AGBL3: variants seen among roughly 807,000 people sequenced by gnomAD.
The protein encoded by AGBL3 is cytosolic carboxypeptidase 3.
A neutral mutation model predicts 94.5 loss-of-function variants in AGBL3; 68 were observed. The observed-to-expected ratio is 0.72, with a 90% CI of 0.59 to 0.88. AGBL3 has a LOEUF of 0.88. Among genes scored for constraint, AGBL3 ranks in the 40% least tolerant of loss-of-function variants. AGBL3 has a pLI of 0.00. For synonymous variants in AGBL3, 354 were observed against 370.7 expected (o/e 0.95, Z 0.52); for missense variants, 934 against 1,103.8 (o/e 0.85, Z 2.18).
chr7:135,134,404 C>CT (rs60347819), intron 16 of AGBL3, among the ~76,000 whole-genome samples: 26,931 of 152,004 alleles, frequency 0.18, 2,357 homozygotes, highest in East Asian at 0.19. Flanking sequence ...ACTTCCCTCT[C>CT]TTAGACTCAC....
intron 3 of AGBL3, among the ~76,000 whole-genome samples, chr7:134,990,659 CTG>C (rs1237128062): frequency 1.3e-5 from 2 of 152,158 alleles, no homozygotes; most frequent in African/African-American, 2.4e-5. Context: ...GTATGAGAAA[CTG>C]TATCTGTTTT....
At chr7:135,080,945 C>CAT (rs1234467923) in intron 14 of AGBL3, among the ~76,000 whole-genome samples, 3 of 150,800 alleles carry the variant, frequency 2.0e-5, no homozygotes, top group African/African-American at 7.3e-5. Flanking sequence ...CCTAATTACA[C>CAT]ACACACACAC....
chr7:135,113,662 T>C (rs184943030), intron 15 of AGBL3, among the ~76,000 whole-genome samples: 2 of 152,364 alleles, frequency 1.3e-5, no homozygotes, highest in East Asian at 3.8e-4. Context: ...AGACTCTAAA[T>C]TGTGATAAAA....
intron 4 of AGBL3, among the ~76,000 whole-genome samples, chr7:135,013,789 C>T (rs1355658773): frequency 3.3e-5 from 5 of 152,204 alleles, no homozygotes; most frequent in African/African-American, 7.2e-5. Context: ...TACCATCCCT[C>T]GAATCCACTC....
At chr7:135,078,831 C>A (rs903125211) in intron 13 of AGBL3, among the ~76,000 whole-genome samples, 2 of 152,106 alleles carry the variant, frequency 1.3e-5, no homozygotes, top group Non-Finnish European at 2.9e-5. Flanking sequence ...TCCTCTTTCA[C>A]AAAAAGAGTG....
intron 4 of AGBL3, chr7:135,012,540 A>G (rs1294533501): frequency 1.3e-5 from 2 of 152,172 alleles, no homozygotes; most frequent in African/African-American, 4.8e-5. Context: ...TGAAATGTGG[A>G]TAGAAGTATG....
At chr7:135,007,989 A>T (rs1326068351) in intron 4 of AGBL3, among the ~76,000 whole-genome samples, 1 of 152,086 alleles carries the variant, frequency 6.6e-6, no homozygotes, top group African/African-American at 2.4e-5. Context: ...AAAGAAAATA[A>T]AGATCTAGAT....
Position 135,050,488 on chromosome 7 carries a change from CT to C in AGBL3, c.1841+4578del, listed in dbSNP as rs747649070. Among the ~76,000 whole-genome samples, 248 of 152,034 alleles carry C rather than the reference CT, an allele frequency of 1.6e-3. 3 individuals are homozygous for C. The highest frequency in any genetic ancestry group is 2.5e-3 in the Non-Finnish European group (167 of 67,846). ...TATTGAAATGAGGTATTGAAGTCTC[CT>C]GCTATTATTGTATTGCCGTTTCTCT... On this transcript the variant is annotated intron_variant, in intron 11 of 16. Transcript: ENST00000436302.
chr7:135,080,870 A>G (rs1439737521), intron 14 of AGBL3, among the ~76,000 whole-genome samples: 4 of 147,890 alleles, frequency 2.7e-5, no homozygotes, highest in Non-Finnish European at 4.5e-5. Context: ...GTGTGTGTGT[A>G]TATATATATA....
intron 12 of AGBL3, among the ~76,000 whole-genome samples, chr7:135,059,592 G>A (rs1223484234): frequency 6.6e-6 from 1 of 152,226 alleles, no homozygotes; most frequent in Non-Finnish European, 1.5e-5. Context: ...CACTGGCTGA[G>A]TGATGGGGAT....
chr7:135,083,073 C>A (rs1341346912), intron 15 of AGBL3, among the ~76,000 whole-genome samples: 1 of 152,210 alleles, frequency 6.6e-6, no homozygotes, highest in East Asian at 1.9e-4. Flanking sequence ...CTCGCTTTCA[C>A]TTCTGTCCCT....
At position 135,115,725 on chromosome 7, in the gene AGBL3, A is replaced by G; in HGVS notation, c.2342+114A>G. The G allele has an allele frequency of 9.5e-6, 8 of 844,736 alleles. No individual in the cohort carries two copies. In the South Asian group the frequency reaches 1.6e-4, roughly 17 times the overall value. 52.3% of individuals were successfully genotyped at this position (844,736 alleles called of 1,614,324 possible). A position where few individuals can be genotyped will look rare whatever the true frequency, so the allele number is the denominator to read the frequency against. On this transcript the variant is annotated intron_variant, in intron 16 of 16. Coordinates refer to ENST00000436302, the MANE Select transcript of AGBL3 (RefSeq NM_178563.4). ...AAAATCTGCTCTTGAAAATGATGTC[A>G]GCTCCATCACATTTGGCAAAGAACA...
At chr7:135,130,812 C>A (rs1269629914) in intron 16 of AGBL3, among the ~76,000 whole-genome samples, 1 of 151,948 alleles carries the variant, frequency 6.6e-6, no homozygotes, top group Non-Finnish European at 1.5e-5. Flanking sequence ...TTTGCAACAG[C>A]AGTGTTTTGG....
chr7:135,080,116 T>C, intron 13 of AGBL3, 87 bp from the exon 14 acceptor site: 1 of 1,022,626 alleles, frequency 9.8e-7, no homozygotes, highest in Non-Finnish European at 1.5e-6. Flanking sequence ...TTGTTAAAAA[T>C]GCACAATACC....
intron 15 of AGBL3, among the ~76,000 whole-genome samples, chr7:135,097,536 A>G (rs1431863605): frequency 6.6e-6 from 1 of 152,156 alleles, no homozygotes; most frequent in East Asian, 1.9e-4. Context: ...GGCATGTTTC[A>G]TTCAGTCTGT....
chr7:135,043,925 T>A, intron 8 of AGBL3, 100 bp from the exon 9 acceptor site: 2 of 1,411,226 alleles, frequency 1.4e-6, no homozygotes, highest in South Asian at 3.1e-5. Flanking sequence ...TAGTGAGAAT[T>A]ATAGACTTTG....
chr7:135,002,371 A>G (rs1222507288), intron 4 of AGBL3, among the ~76,000 whole-genome samples: 1 of 152,060 alleles, frequency 6.6e-6, no homozygotes, highest in Non-Finnish European at 1.5e-5. Flanking sequence ...GTGAGATAAC[A>G]CTCATGAAGT....
intron 15 of AGBL3, among the ~76,000 whole-genome samples, chr7:135,104,036 T>C (rs1356114823): frequency 6.6e-6 from 1 of 152,148 alleles, no homozygotes; most frequent in Non-Finnish European, 1.5e-5. Flanking sequence ...CAGTACCCAA[T>C]AGATACTTTT....
intron 5 of AGBL3, among the ~76,000 whole-genome samples, chr7:135,025,204 C>A (rs1814953911): frequency 6.6e-6 from 1 of 151,484 alleles, no homozygotes; most frequent in Admixed American, 6.6e-5. Context: ...AAGAAAAAAT[C>A]TTAAAGGCAG....
Sources: gnomAD v4.1 joint callset for allele counts (sites outside exome capture counted in the v4.1 genomes callset) on GRCh38, gnomAD v4.1.1 for gene constraint, MANE v1.5 for transcripts, NCBI Gene and HGNC (gene_info 2026-07-23, HGNC 2026-07-21) for gene names.